Variants in TFDP2 observed in about 807,000 individuals in gnomAD.
TFDP2 encodes transcription factor Dp-2 (E2F dimerization partner 2).
Under a neutral mutation model 59.3 loss-of-function variants are expected in TFDP2, and 17 were observed. The observed-to-expected ratio is 0.29, with a 90% CI of 0.20 to 0.43. The LOEUF (loss-of-function observed/expected upper bound fraction) is 0.43, where lower values mean the gene tolerates loss of function less well. Among genes scored for constraint, TFDP2 ranks in the 20% least tolerant of loss-of-function variants. The pLI is 1.00. For missense variants in TFDP2, 391 were observed against 528.8 expected (o/e 0.74, Z 2.56); for synonymous variants, 180 against 194.7 (o/e 0.92, Z 0.63).
intron 8 of TFDP2, 38 bp downstream of exon 8, chr3:141,974,010 A>G (rs1191548570): frequency 1.3e-6 from 2 of 1,581,082 alleles, no homozygotes; most frequent in Non-Finnish European, 1.7e-6. Context: ...ATGTAAAATA[A>G]TGCAAACAGC....
At chr3:142,090,423 T>A (rs778294605) in intron 3 of TFDP2, among the ~76,000 whole-genome samples, 53 of 152,220 alleles carry the variant, frequency 3.5e-4, no homozygotes, top group Non-Finnish European at 5.4e-4. Context: ...GGTGTTAACA[T>A]CTGTCCAGGG....
chr3:142,113,866 A>G (rs2061748528), intron 1 of TFDP2, among the ~76,000 whole-genome samples: 1 of 152,082 alleles, frequency 6.6e-6, no homozygotes, highest in Non-Finnish European at 1.5e-5. Context: ...ATTCCTCAAA[A>G]TAACTCTACA....
intron 11 of TFDP2, among the ~76,000 whole-genome samples, chr3:141,958,793 G>A (rs1478456548): frequency 6.6e-6 from 1 of 152,106 alleles, no homozygotes; most frequent in Non-Finnish European, 1.5e-5. Context: ...ACACAAATGT[G>A]AATCCAGGTT....
intron 3 of TFDP2, among the ~76,000 whole-genome samples, chr3:142,079,079 G>A (rs1169839849): frequency 1.3e-5 from 2 of 152,016 alleles, no homozygotes; most frequent in East Asian, 3.9e-4. Flanking sequence ...TGAGCTTGAA[G>A]ACAGGCTATT....
At chr3:142,132,826 G>C (rs1226656641) in intron 1 of TFDP2, among the ~76,000 whole-genome samples, 1 of 144,584 alleles carries the variant, frequency 6.9e-6, no homozygotes, top group East Asian at 2.0e-4. Context: ...TGAGGAAAAT[G>C]TTAAAATACT....
intron 3 of TFDP2, among the ~76,000 whole-genome samples, chr3:142,023,435 C>T (rs1248326118): frequency 3.3e-5 from 5 of 151,876 alleles, no homozygotes; most frequent in African/African-American, 1.2e-4. Flanking sequence ...AAGTGATCCA[C>T]CTGCCCCGGC....
chr3:142,034,819 G>A (rs372393460), intron 3 of TFDP2, among the ~76,000 whole-genome samples: 6 of 150,746 alleles, frequency 4.0e-5, no homozygotes, highest in East Asian at 4.0e-4. Flanking sequence ...AGGTTCTCAC[G>A]GCCTCAGCCT....
chr3:142,011,778 A>G (rs1944728789), intron 3 of TFDP2, among the ~76,000 whole-genome samples: 1 of 152,026 alleles, frequency 6.6e-6, no homozygotes, highest in South Asian at 2.1e-4. Context: ...GGCACCTACT[A>G]TTCTATGTCA....
At chr3:142,003,596 AT>A (rs1943986866) in intron 4 of TFDP2, among the ~76,000 whole-genome samples, 1 of 152,372 alleles carries the variant, frequency 6.6e-6, no homozygotes, top group East Asian at 1.9e-4. Context: ...TCTTACAACA[AT>A]TAGGAAACCA....
At chr3:142,050,282 A>T (rs1299504448) in intron 3 of TFDP2, among the ~76,000 whole-genome samples, 6 of 150,964 alleles carry the variant, frequency 4.0e-5, no homozygotes, top group South Asian at 4.2e-4. Context: ...AAAAATAATA[A>T]AAAAAAAAGA....
intron 3 of TFDP2, among the ~76,000 whole-genome samples, chr3:142,032,400 CTT>C (rs1946474953): frequency 6.6e-6 from 1 of 152,102 alleles, no homozygotes; most frequent in African/African-American, 2.4e-5. Context: ...TAGCTCGACT[CTT>C]TCAATATGCA....
intron 3 of TFDP2, among the ~76,000 whole-genome samples, chr3:142,068,875 A>T (rs1343955485): frequency 1.3e-5 from 2 of 151,908 alleles, no homozygotes; most frequent in African/African-American, 4.8e-5. Context: ...TCACTTCTTT[A>T]AACTAATAGT....
chr3:142,104,041 C>T (rs144443434), intron 1 of TFDP2, among the ~76,000 whole-genome samples: 1 of 151,982 alleles, frequency 6.6e-6, no homozygotes, highest in African/African-American at 2.4e-5. Flanking sequence ...GATGCTCCCC[C>T]CTCCTTTCTT....
intron 3 of TFDP2, among the ~76,000 whole-genome samples, chr3:142,049,757 C>G (rs764228825): frequency 1.5e-4 from 23 of 152,118 alleles, no homozygotes; most frequent in Non-Finnish European, 2.1e-4. Flanking sequence ...TCACAGGCAA[C>G]AAGGTCAATA....
At chr3:142,028,397 TC>T (rs11569172) in intron 3 of TFDP2, among the ~76,000 whole-genome samples, 1,347 of 106,630 alleles carry the variant, frequency 0.013, 22 homozygotes, top group Admixed American at 0.097. Flanking sequence ...ATTCTTCCCC[TC>T]CCCCCCCACC....
intron 2 of TFDP2, among the ~76,000 whole-genome samples, chr3:142,100,581 C>T (rs569139807): frequency 8.8e-4 from 132 of 150,678 alleles, no homozygotes; most frequent in African/African-American, 3.1e-3. Context: ...CCATGTTGGC[C>T]AGGCTGGTCT....
rs374416424 is a variant in TFDP2, at chr3:141,959,776, G to A, written c.949C>T (p.Arg317Trp). 148 of 1,613,978 alleles carry A rather than the reference G, an allele frequency of 9.2e-5. No individual in the cohort carries two copies. The highest frequency in any genetic ancestry group is 1.6e-4 in the Middle Eastern group (1 of 6,084). The change falls in exon 11 of 13, where the codon CGG becomes TGG. Residue 317 changes from arginine (R) to tryptophan (W), a missense_variant. By Grantham distance (101) the Arg-to-Trp change is moderately radical. Coordinates refer to ENST00000489671, the MANE Select transcript of TFDP2 (RefSeq NM_001178139.2). Reference protein sequence around the residue: ...EIHDDIEVLKRMGMSFGLESG... With the variant: ...EIHDDIEVLKWMGMSFGLESG... Reference sequence around the variant, plus strand: ...TCCAGGCCAAACGACATTCCCATCCGCTTTAGTACTTCTATGTCATCATGG... The same window carrying A: ...TCCAGGCCAAACGACATTCCCATCCACTTTAGTACTTCTATGTCATCATGG...
At chr3:141,993,199 C>CAAAAA (rs71856030) in intron 6 of TFDP2, among the ~76,000 whole-genome samples, 10,122 of 143,904 alleles carry the variant, frequency 0.07, 464 homozygotes, top group Non-Finnish European at 0.1. Flanking sequence ...GACTTCATCT[C>CAAAAA]AAAAAAAAGA....
At chr3:142,141,003 C>T (rs2108751117) in intron 1 of TFDP2, among the ~76,000 whole-genome samples, 1 of 152,362 alleles carries the variant, frequency 6.6e-6, no homozygotes, top group Admixed American at 6.5e-5. Flanking sequence ...GTAGGCCTTG[C>T]TGAGCTGAGG....
Sources: allele counts gnomAD v4.1 joint callset (sites outside exome capture counted in the v4.1 genomes callset), GRCh38; gene constraint gnomAD v4.1.1; transcripts MANE v1.5; gene names NCBI Gene and HGNC (gene_info 2026-07-23, HGNC 2026-07-21).